The following ROR2 variants were observed in gnomAD, a reference collection of about 807,000 sequenced individuals.
ROR2 encodes the protein ROR family WNT receptor 2.
ROR2 carries 33 observed loss-of-function variants against 74.9 expected under a neutral mutation model. The observed-to-expected ratio is 0.44, with a 90% confidence interval of 0.33 to 0.59. The LOEUF is 0.59. Among genes scored for constraint, ROR2 ranks in the 20% least tolerant of loss-of-function variants. The pLI, the probability that ROR2 is intolerant of heterozygous loss-of-function variation, is 0.02. For missense variants in ROR2, 1,216 were observed against 1,313.8 expected (o/e 0.93, Z 1.15); for synonymous variants, 586 against 558.7 (o/e 1.05, Z -0.69).
At chr9:91,943,859 A>T (rs1831943813) in intron 1 of ROR2, among the ~76,000 whole-genome samples, 1 of 152,236 alleles carries the variant, frequency 6.6e-6, no homozygotes, top group African/African-American at 2.4e-5. Flanking sequence ...TCAAAAATAT[A>T]CCAAAAAATG....
intron 4 of ROR2, among the ~76,000 whole-genome samples, chr9:91,746,491 C>T (rs1186097610): frequency 6.6e-6 from 1 of 152,228 alleles, no homozygotes; most frequent in African/African-American, 2.4e-5. Context: ...CTTATGAAAA[C>T]TCCCCGAAAA....
In ROR2 at chr9:91,870,181, GATTATTTTTTGGA is replaced by G. The variant is rs573908706; in HGVS notation, c.97+79673_97+79685del. 5.9e-5 allele frequency among the ~76,000 whole-genome samples: 9 copies of G among 151,944 alleles called. No individual in the cohort carries two copies. The East Asian group carries it at 1.5e-3, about 26-fold the overall frequency. ...AAAAAGCCTAAAATATTTACTATCT[GATTATTTTTTGGA>G]AAAGGTTTGCTGACCCCCAATCTAA... On this transcript the variant is annotated intron_variant, in intron 1 of 8. Coordinates refer to ENST00000375708, the MANE Select transcript of ROR2 (RefSeq NM_004560.4).
intron 1 of ROR2, among the ~76,000 whole-genome samples, chr9:91,892,834 C>G (rs951425204): frequency 9.2e-5 from 14 of 152,124 alleles, no homozygotes; most frequent in Non-Finnish European, 2.1e-4. Flanking sequence ...TCGTGATCCA[C>G]CCGCCTCAGC....
intron 1 of ROR2, among the ~76,000 whole-genome samples, chr9:91,931,031 AAAC>A (rs1324757895): frequency 6.7e-6 from 1 of 149,330 alleles, no homozygotes; most frequent in African/African-American, 2.6e-5. Context: ...AAGTCAAAGA[AAAC>A]AAACAAAAGG....
chr9:91,802,592 T>A (rs1827424186), intron 1 of ROR2, among the ~76,000 whole-genome samples: 1 of 152,120 alleles, frequency 6.6e-6, no homozygotes, highest in Admixed American at 6.6e-5. Context: ...CCACAGGGCT[T>A]GGCAAAGAGA....
intron 1 of ROR2, among the ~76,000 whole-genome samples, chr9:91,924,460 C>T (rs1325681258): frequency 2.6e-5 from 4 of 152,224 alleles, no homozygotes; most frequent in African/African-American, 7.2e-5. Context: ...TCAACTTTTA[C>T]GTGCATTAGA....
At chr9:91,893,271 A>G (rs1830467061) in intron 1 of ROR2, among the ~76,000 whole-genome samples, 1 of 151,930 alleles carries the variant, frequency 6.6e-6, no homozygotes, top group South Asian at 2.1e-4. Flanking sequence ...CCAAGACAGG[A>G]GAATCTAAAA....
At chr9:91,900,408 C>A (rs548211952) in intron 1 of ROR2, among the ~76,000 whole-genome samples, 49 of 152,266 alleles carry the variant, frequency 3.2e-4, no homozygotes, top group Non-Finnish European at 5.9e-4. Flanking sequence ...CAGGCCCCCC[C>A]ACGCAGGGAA....
At chr9:91,769,305 G>A (rs1826154197) in intron 2 of ROR2, among the ~76,000 whole-genome samples, 1 of 152,122 alleles carries the variant, frequency 6.6e-6, no homozygotes, top group Non-Finnish European at 1.5e-5. Context: ...CCTCGTAAAA[G>A]GAGTTTCTAG....
At position 91,855,569 on chromosome 9, in the gene ROR2, G is replaced by A. The variant is rs1829253081; in HGVS notation, c.98-79751C>T. ...CCAGTTTCCTGCCCCCAGTGGCAGGGTAAGCATCTTAGAGAAGGAAGGGAC... is the reference window on the plus strand; with the variant it reads ...CCAGTTTCCTGCCCCCAGTGGCAGGATAAGCATCTTAGAGAAGGAAGGGAC... On this transcript the variant is annotated intron_variant, in intron 1 of 8. Coordinates refer to ENST00000375708, the MANE Select transcript of ROR2 (RefSeq NM_004560.4). Among the ~76,000 whole-genome samples the A allele has an allele frequency of 2.0e-5, 3 of 152,306 alleles. No individual in the cohort carries two copies. The South Asian group carries it at 6.2e-4, about 32-fold the overall frequency.
intron 1 of ROR2, among the ~76,000 whole-genome samples, chr9:91,802,022 T>C (rs1222970993): frequency 1.3e-5 from 2 of 152,046 alleles, no homozygotes; most frequent in African/African-American, 4.8e-5. Flanking sequence ...AGCCATTTGC[T>C]TGACGAAGCC....
chr9:91,790,592 T>C (rs184811174), intron 1 of ROR2, among the ~76,000 whole-genome samples: 8 of 152,294 alleles, frequency 5.3e-5, no homozygotes, highest in African/African-American at 1.4e-4. Flanking sequence ...GACTATGTTG[T>C]TGGTTTATGT....
chr9:91,817,842 G>A (rs1827997319), intron 1 of ROR2, among the ~76,000 whole-genome samples: 1 of 151,996 alleles, frequency 6.6e-6, no homozygotes, highest in Non-Finnish European at 1.5e-5. Flanking sequence ...GGGGAGGGAG[G>A]AGGAGGGGAA....
chr9:91,840,891 C>T (rs891548693), intron 1 of ROR2, among the ~76,000 whole-genome samples: 2 of 152,240 alleles, frequency 1.3e-5, no homozygotes, highest in Non-Finnish European at 2.9e-5. Flanking sequence ...TCATTGCATG[C>T]ATTTGTTGTA....
chr9:91,746,379 G>C (rs1285452014), intron 4 of ROR2, among the ~76,000 whole-genome samples: 3 of 152,106 alleles, frequency 2.0e-5, no homozygotes, highest in Admixed American at 6.6e-5. Flanking sequence ...GCCTGGCCTG[G>C]CCTGGTTTCT....
rs914081273 is a variant in ROR2, at chr9:91,878,951, A to G, written c.97+70916T>C. ...CGGCTACTCAGGAGGCTGAGGCAGG[A>G]GAATGGCGTGAACCCGGGAGGCGGA... is the stretch of plus-strand genomic sequence containing the variant. On this transcript the variant is annotated intron_variant, in intron 1 of 8. Coordinates refer to ENST00000375708, the MANE Select transcript of ROR2 (RefSeq NM_004560.4). 5.3e-5 allele frequency among the ~76,000 whole-genome samples: 8 copies of G among 152,256 alleles called. 1 individual carries two copies. Among genetic ancestry groups the G allele is most frequent in the Admixed American group, 4.6e-4 (7 of 15,294 alleles).
At chr9:91,935,441 T>C (rs1831658346) in intron 1 of ROR2, among the ~76,000 whole-genome samples, 1 of 152,192 alleles carries the variant, frequency 6.6e-6, no homozygotes, top group Admixed American at 6.5e-5. Flanking sequence ...CTTCCTCCAT[T>C]TGGTCCTAAC....
chr9:91,918,519 A>T (rs1346850504), intron 1 of ROR2, among the ~76,000 whole-genome samples: 2 of 152,236 alleles, frequency 1.3e-5, no homozygotes, highest in Non-Finnish European at 2.9e-5. Flanking sequence ...ATTAGGTTTG[A>T]ACATAGGAAA....
intron 1 of ROR2, among the ~76,000 whole-genome samples, chr9:91,866,572 C>T (rs762345588): frequency 3.9e-5 from 6 of 152,176 alleles, no homozygotes; most frequent in East Asian, 1.9e-4. Flanking sequence ...TGCGCCACCA[C>T]GCTTAGCTAA....
Sources: gnomAD v4.1 joint callset for allele counts (sites outside exome capture counted in the v4.1 genomes callset) on GRCh38, gnomAD v4.1.1 for gene constraint, MANE v1.5 for transcripts, NCBI Gene and HGNC (gene_info 2026-07-23, HGNC 2026-07-21) for gene names.